The following IL7 variants were observed in gnomAD, a reference collection of about 807,000 sequenced individuals.
IL7 encodes interleukin-7.
A neutral mutation model predicts 21.6 loss-of-function variants in IL7; 3 were observed. The observed-to-expected ratio is 0.14, with a 90% CI of 0.06 to 0.36. IL7 has a LOEUF of 0.36. Ranked by LOEUF, IL7 falls within the 10% of genes least tolerant of loss-of-function variation. IL7 has a pLI of 1.00. For missense variants in IL7, 175 were observed against 200.2 expected, an observed-to-expected ratio of 0.87 and a Z score of 0.76; for synonymous variants, 62 against 68.1, an observed-to-expected ratio of 0.91 and a Z score of 0.44.
chr8:78,771,174 G>A (rs745450899), intron 2 of IL7, among the ~76,000 whole-genome samples: 24 of 138,810 alleles, frequency 1.7e-4, no homozygotes, highest in Admixed American at 2.9e-4. Context: ...ACCTCCCAAC[G>A]CAATAGACAT....
chr8:78,729,986 G>A (rs953964636), downstream of IL7, among the ~76,000 whole-genome samples: 3 of 151,934 alleles, frequency 2.0e-5, no homozygotes. Flanking sequence ...ACCTGGGAAA[G>A]CATGGGAAAG....
intron 3 of IL7, among the ~76,000 whole-genome samples, chr8:78,688,210 C>G (rs1023181291): frequency 2.0e-5 from 3 of 151,880 alleles, no homozygotes; most frequent in African/African-American, 7.2e-5. Flanking sequence ...TGAGTTTTCT[C>G]TCTGCTTTGA....
intron 3 of IL7, among the ~76,000 whole-genome samples, chr8:78,695,831 A>G (rs959764852): frequency 2.0e-5 from 3 of 152,186 alleles, no homozygotes; most frequent in African/African-American, 4.8e-5. Flanking sequence ...TAATACTGCA[A>G]AACGTGAATG....
intron 5 of IL7, 113 bp from the exon 6 acceptor site, chr8:78,733,945 G>A (rs1241645732): frequency 5.9e-6 from 4 of 681,396 alleles, no homozygotes; most frequent in Non-Finnish European, 8.4e-6. Context: ...CAATGAAAAG[G>A]TAGAATCCTG....
intron 3 of IL7, among the ~76,000 whole-genome samples, chr8:78,712,617 A>G (rs1259128173): frequency 1.3e-5 from 2 of 152,142 alleles, no homozygotes; most frequent in East Asian, 3.9e-4. Flanking sequence ...CAACCGGGAA[A>G]AAGTATGACA....
At chr8:78,703,527 A>T (rs1316250918) in intron 3 of IL7, among the ~76,000 whole-genome samples, 2 of 129,498 alleles carry the variant, frequency 1.5e-5, no homozygotes, top group Non-Finnish European at 3.2e-5. Flanking sequence ...ACCATTATGT[A>T]ATACCCTTCT....
intron 2 of IL7, among the ~76,000 whole-genome samples, chr8:78,765,550 T>C (rs1812729112): frequency 1.3e-5 from 2 of 152,014 alleles, no homozygotes; most frequent in Admixed American, 6.5e-5. Context: ...GCAAAGAAGA[T>C]ACACAGATAG....
downstream of IL7, among the ~76,000 whole-genome samples, chr8:78,675,360 A>G (rs1263879897): frequency 6.6e-6 from 1 of 151,980 alleles, no homozygotes; most frequent in Non-Finnish European, 1.5e-5. Flanking sequence ...GTTTTATTCT[A>G]GATTCTTCAA....
chr8:78,693,915 T>C (rs929952863), intron 3 of IL7, among the ~76,000 whole-genome samples: 1 of 152,202 alleles, frequency 6.6e-6, no homozygotes, highest in Non-Finnish European at 1.5e-5. Context: ...TTGTGTAAGG[T>C]ATAAGGAAGG....
intron 3 of IL7, among the ~76,000 whole-genome samples, chr8:78,696,953 T>C (rs899295894): frequency 1.3e-5 from 2 of 152,350 alleles, no homozygotes. Flanking sequence ...GAGGAAGTTT[T>C]TTCCGTTAGA....
At chr8:78,676,532 A>G (rs1468554578) in intron 4 of IL7, among the ~76,000 whole-genome samples, 1 of 152,036 alleles carries the variant, frequency 6.6e-6, no homozygotes, top group Non-Finnish European at 1.5e-5. Flanking sequence ...TCAAACACAA[A>G]TACACATTTA....
intron 4 of IL7, among the ~76,000 whole-genome samples, chr8:78,736,852 A>G (rs761875569): frequency 1.3e-5 from 2 of 152,114 alleles, no homozygotes; most frequent in Non-Finnish European, 2.9e-5. Context: ...ATTTTAATCA[A>G]TATAAAAATA....
At chr8:78,754,222 G>A (rs138346735) in intron 2 of IL7, among the ~76,000 whole-genome samples, 1,527 of 149,206 alleles carry the variant, frequency 0.01, 30 homozygotes, top group Non-Finnish European at 0.012. Context: ...AAATCAATGT[G>A]CAAAAATCAC....
chr8:78,723,262 G>A (rs1811276603), intron 3 of IL7, among the ~76,000 whole-genome samples: 1 of 151,590 alleles, frequency 6.6e-6, no homozygotes, highest in Non-Finnish European at 1.5e-5. Flanking sequence ...TATGTTTGTC[G>A]ACTCTTTTAT....
At chr8:78,799,101 G>A (rs1410147990) in intron 1 of IL7, among the ~76,000 whole-genome samples, 2 of 152,092 alleles carry the variant, frequency 1.3e-5, no homozygotes, top group African/African-American at 4.8e-5. Flanking sequence ...ACCTGCCATA[G>A]TGTCTTATTT....
At chr8:78,760,509 C>T in intron 2 of IL7, 3 of 1,537,846 alleles carry the variant, frequency 2.0e-6, no homozygotes, top group Non-Finnish European at 2.6e-6. Flanking sequence ...TGAAGCTCAG[C>T]TGACAGCGTG....
chr8:78,726,425 C>A (rs950512632), intron 3 of IL7, among the ~76,000 whole-genome samples: 3 of 151,896 alleles, frequency 2.0e-5, no homozygotes, highest in African/African-American at 7.2e-5. Flanking sequence ...GTCATGTAAC[C>A]AGCCAGCCAG....
chr8:78,740,693 C>A (rs962662097), intron 2 of IL7, among the ~76,000 whole-genome samples: 2 of 152,132 alleles, frequency 1.3e-5, no homozygotes, highest in African/African-American at 2.4e-5. Context: ...GAATATAAAA[C>A]CATCTGCATT....
At chr8:78,717,468 G>T, downstream of IL7, 2 of 1,589,310 alleles carry the variant, frequency 1.3e-6, no homozygotes, top group Non-Finnish European at 1.7e-6. Context: ...TGCTGTGAAT[G>T]TGGCATTCGA....
Sources: allele counts gnomAD v4.1 joint callset (sites outside exome capture counted in the v4.1 genomes callset), GRCh38; gene constraint gnomAD v4.1.1; transcripts MANE v1.5; gene names NCBI Gene and HGNC (gene_info 2026-07-23, HGNC 2026-07-21).